The following SORCS2 variants were observed in gnomAD, a reference collection of about 807,000 sequenced individuals.
SORCS2 encodes sortilin related VPS10 domain containing receptor 2, also known as VPS10 domain-containing receptor SorCS2.
SORCS2 carries 100 observed loss-of-function variants against 141.6 expected under a neutral mutation model. The ratio of observed to expected loss-of-function variants is 0.71; its 90% CI spans 0.60 to 0.83. The LOEUF is 0.83. Ranked by LOEUF, SORCS2 falls within the 40% of genes least tolerant of loss-of-function variation. The pLI, the probability that SORCS2 is intolerant of heterozygous loss-of-function variation, is 0.00. For missense variants in SORCS2, 1,646 were observed against 1,560.2 expected, an observed-to-expected ratio of 1.05 and a Z score of -0.93; for synonymous variants, 789 against 676.9, an observed-to-expected ratio of 1.17 and a Z score of -2.57.
At chr4:7,517,924 G>T (rs1285756957) in intron 2 of SORCS2, among the ~76,000 whole-genome samples, 2 of 152,226 alleles carry the variant, frequency 1.3e-5, no homozygotes, top group African/African-American at 4.8e-5. Flanking sequence ...TTCAGCCTAA[G>T]GAATGACCTG....
chr4:7,372,095 G>T (rs1320955988), intron 1 of SORCS2, among the ~76,000 whole-genome samples: 1 of 152,172 alleles, frequency 6.6e-6, no homozygotes, highest in Admixed American at 6.5e-5. Context: ...GCAGGACATG[G>T]GTTCCTTTCA....
chr4:7,315,110 G>A (rs558068882), intron 1 of SORCS2, among the ~76,000 whole-genome samples: 1 of 152,288 alleles, frequency 6.6e-6, no homozygotes, highest in Admixed American at 6.5e-5. Flanking sequence ...TGGGATTACA[G>A]GCATGAGCCA....
chr4:7,245,926 G>T (rs1270785154), intron 1 of SORCS2, among the ~76,000 whole-genome samples: 1 of 152,200 alleles, frequency 6.6e-6, no homozygotes, highest in Non-Finnish European at 1.5e-5. Context: ...AGTGCTAAGA[G>T]TAAATGCAAT....
At chr4:7,317,190 C>A (rs1463351394) in intron 1 of SORCS2, among the ~76,000 whole-genome samples, 1 of 152,078 alleles carries the variant, frequency 6.6e-6, no homozygotes, top group African/African-American at 2.4e-5. Context: ...GGATGGGAAC[C>A]CTACAGTGAC....
chr4:7,624,132 G>A (rs1216803276), intron 3 of SORCS2, among the ~76,000 whole-genome samples: 3 of 152,232 alleles, frequency 2.0e-5, no homozygotes, highest in Admixed American at 6.5e-5. Flanking sequence ...TTTGTTACCA[G>A]TATTGCTGTA....
chr4:7,368,473 C>T lies in SORCS2; in HGVS notation c.481-27815C>T, dbSNP rs914558086. 6.6e-5 allele frequency among the ~76,000 whole-genome samples: 10 copies of T among 152,336 alleles called. No individual in the cohort carries two copies. In the East Asian group the frequency reaches 1.4e-3, roughly 21 times the overall value. On this transcript the variant is annotated intron_variant, in intron 1 of 26. Coordinates refer to ENST00000507866, the MANE Select transcript of SORCS2 (RefSeq NM_020777.3). ...CCGGGAGTCCTGGCCTTCAGGGTCA[C>T]GCCTGCCAATCCACTGGGTCCCCCC...
At chr4:7,287,396 G>T (rs1369041966) in intron 1 of SORCS2, among the ~76,000 whole-genome samples, 1 of 152,256 alleles carries the variant, frequency 6.6e-6, no homozygotes, top group African/African-American at 2.4e-5. Flanking sequence ...TTTCCAGAAA[G>T]GTTCGAGCCA....
intron 4 of SORCS2, among the ~76,000 whole-genome samples, chr4:7,651,671 G>A (rs1721456115): frequency 1.3e-5 from 2 of 152,292 alleles, no homozygotes; most frequent in Middle Eastern, 3.4e-3. Flanking sequence ...CAGGGGAGCC[G>A]CTCCAGTTTG....
chr4:7,679,721 G>C (rs1723391787), intron 9 of SORCS2, among the ~76,000 whole-genome samples: 1 of 148,334 alleles, frequency 6.7e-6, no homozygotes, highest in Non-Finnish European at 1.5e-5. Flanking sequence ...ATGAATTTCT[G>C]TTGTCTGAAG....
intron 3 of SORCS2, among the ~76,000 whole-genome samples, chr4:7,572,077 T>C (rs1715440493): frequency 6.6e-6 from 1 of 152,186 alleles, no homozygotes; most frequent in Admixed American, 6.5e-5. Flanking sequence ...CCTCATCTTC[T>C]CTCTGCCATC....
chr4:7,682,917 C>A, intron 10 of SORCS2, 28 bp downstream of exon 10: 1 of 1,605,220 alleles, frequency 6.2e-7, no homozygotes, highest in African/African-American at 1.3e-5. Flanking sequence ...CATCACACAC[C>A]ATCCTTGGCG....
chr4:7,564,108 A>T (rs6839110), intron 3 of SORCS2, among the ~76,000 whole-genome samples: 86,014 of 152,126 alleles, frequency 0.57, 27,163 homozygotes, highest in East Asian at 0.9. Context: ...GGATGGAGGG[A>T]CAGGTGTCTC....
rs181276135 is a variant in SORCS2 at position 7,650,018 on chromosome 4, G to A, written c.814-4116G>A. 1.2e-4 allele frequency among the ~76,000 whole-genome samples: 19 copies of A among 152,362 alleles called. No homozygotes were observed. The East Asian group carries it at 3.7e-3, about 29-fold the overall frequency. On this transcript the variant is annotated intron_variant, in intron 4 of 26. Transcript: ENST00000507866. The stretch of plus-strand genomic sequence containing the variant: ...ATGATGTGCCCGTTATGCAGATGAA[G>A]AATTTGGGTTGAGTGGTCGGCTTGA...
At chr4:7,476,504 G>C (rs1385448670) in intron 2 of SORCS2, among the ~76,000 whole-genome samples, 6 of 152,104 alleles carry the variant, frequency 3.9e-5, no homozygotes, top group Non-Finnish European at 8.8e-5. Flanking sequence ...AGCAGCGCCT[G>C]GATGACTGCT....
At chr4:7,196,610 T>G (rs1266486137) in intron 1 of SORCS2, among the ~76,000 whole-genome samples, 2 of 93,174 alleles carry the variant, frequency 2.1e-5, no homozygotes, top group African/African-American at 4.2e-5. Context: ...CTCCCTCCCC[T>G]GCCCTCCCTT....
At chr4:7,631,270 C>T (rs919998826) in intron 3 of SORCS2, among the ~76,000 whole-genome samples, 1 of 151,248 alleles carries the variant, frequency 6.6e-6, no homozygotes, top group Non-Finnish European at 1.5e-5. Context: ...GTGCTTCTGA[C>T]AAGCAGGTCC....
rs1024555163 is a variant in SORCS2 at position 7,465,877 on chromosome 4, G to A, written c.549-65653G>A. On this transcript the variant is annotated intron_variant, in intron 2 of 26. Transcript: ENST00000507866. ...GTAAACCATGATGACCCTGGGAGGT[G>A]GGTTCTCTCATCATTCCCGTTTTGC... Among the ~76,000 whole-genome samples, 8 of 152,260 alleles carry A rather than the reference G, an allele frequency of 5.3e-5. No homozygotes were observed. In the East Asian group the frequency reaches 1.4e-3, roughly 26 times the overall value.
At chr4:7,538,791 C>G (rs12650256) in intron 3 of SORCS2, among the ~76,000 whole-genome samples, 4 of 152,066 alleles carry the variant, frequency 2.6e-5, no homozygotes, top group African/African-American at 9.7e-5. Flanking sequence ...CCCGTGTCTT[C>G]GTAGGGGAAC....
At chr4:7,555,929 A>G (rs574130104) in intron 3 of SORCS2, among the ~76,000 whole-genome samples, 1 of 152,374 alleles carries the variant, frequency 6.6e-6, no homozygotes, top group Non-Finnish European at 1.5e-5. Flanking sequence ...TGTGGAGCTG[A>G]CATAACAAGT....
Sources: gnomAD v4.1 joint callset for allele counts (sites outside exome capture counted in the v4.1 genomes callset) on GRCh38, gnomAD v4.1.1 for gene constraint, MANE v1.5 for transcripts, NCBI Gene and HGNC (gene_info 2026-07-23, HGNC 2026-07-21) for gene names.